DPY19L3: variants seen among roughly 807,000 people sequenced by gnomAD.
DPY19L3 encodes the protein protein C-mannosyl-transferase DPY19L3.
Under a neutral mutation model 92.3 loss-of-function variants are expected in DPY19L3, and 51 were observed. That is an observed-to-expected ratio of 0.55 (90% CI 0.44 to 0.70). DPY19L3 has a LOEUF of 0.70. Ranked by LOEUF, DPY19L3 falls within the 30% of genes least tolerant of loss-of-function variation. DPY19L3 has a pLI of 0.00. For missense variants in DPY19L3, 706 were observed against 855.9 expected, an observed-to-expected ratio of 0.82 and a Z score of 2.18; for synonymous variants, 309 against 315.2, an observed-to-expected ratio of 0.98 and a Z score of 0.21.
At chr19:32,451,261 G>T (rs1241546185) in intron 8 of DPY19L3, among the ~76,000 whole-genome samples, 1 of 152,178 alleles carries the variant, frequency 6.6e-6, no homozygotes, top group Non-Finnish European at 1.5e-5. Flanking sequence ...GGATGTGAAG[G>T]ATGTAAAATC....
intron 15 of DPY19L3, among the ~76,000 whole-genome samples, chr19:32,467,112 T>A (rs17692223): frequency 6.6e-6 from 1 of 152,148 alleles, no homozygotes; most frequent in Non-Finnish European, 1.5e-5. Context: ...GTCAAGACTT[T>A]AGTAAAATTA....
Position 32,447,683 on chromosome 19 carries a change from C to A in DPY19L3, c.856-5462C>A, listed in dbSNP as rs555456400. ...GTGAGCTGAGACTGCACCATTGCAC[C>A]CCAGCCTGGGCAATGAGAGCGAAAC... On this transcript the variant is annotated intron_variant, in intron 8 of 18. Transcript: ENST00000392250. Among the ~76,000 whole-genome samples, 5 of 151,740 alleles carry A rather than the reference C, an allele frequency of 3.3e-5. No homozygotes were observed. The South Asian group carries it at 8.3e-4, about 25-fold the overall frequency.
chr19:32,449,466 A>G (rs1008409829), intron 8 of DPY19L3, among the ~76,000 whole-genome samples: 1 of 152,156 alleles, frequency 6.6e-6, no homozygotes, highest in Non-Finnish European at 1.5e-5. Context: ...AATAGCTACA[A>G]CAATCTTGAA....
chr19:32,429,309 T>C (rs991665880), intron 3 of DPY19L3, among the ~76,000 whole-genome samples: 1 of 152,248 alleles, frequency 6.6e-6, no homozygotes, highest in African/African-American at 2.4e-5. Flanking sequence ...GGATAACTAC[T>C]ATTGGTGTAT....
intron 11 of DPY19L3, 56 bp from the exon 12 acceptor site, chr19:32,458,295 T>C: frequency 6.3e-7 from 1 of 1,589,498 alleles, no homozygotes; most frequent in East Asian, 2.2e-5. Flanking sequence ...AAAGATGCAA[T>C]GTCATTTCTT....
chr19:32,406,736 T>C (rs1024621280), intron 1 of DPY19L3, among the ~76,000 whole-genome samples: 1 of 152,178 alleles, frequency 6.6e-6, no homozygotes, highest in African/African-American at 2.4e-5. Flanking sequence ...ATGGAGGAAC[T>C]TTTTTTCTTA....
chr19:32,436,664 T>G, intron 5 of DPY19L3, 97 bp downstream of exon 5: 2 of 1,131,552 alleles, frequency 1.8e-6, no homozygotes, highest in Non-Finnish European at 2.4e-6. Flanking sequence ...GATCTTCAAC[T>G]GGTTTAGTAG....
chr19:32,444,565 G>GA (rs1292751907), intron 8 of DPY19L3, among the ~76,000 whole-genome samples: 1 of 152,074 alleles, frequency 6.6e-6, no homozygotes, highest in Non-Finnish European at 1.5e-5. Flanking sequence ...AATACTTTCG[G>GA]AAAAAATAGT....
At chr19:32,409,767 A>G (rs1968112788) in intron 2 of DPY19L3, among the ~76,000 whole-genome samples, 1 of 152,128 alleles carries the variant, frequency 6.6e-6, no homozygotes, top group Admixed American at 6.5e-5. Context: ...TTTTTTAACC[A>G]ACCAGCTCCC....
intron 15 of DPY19L3, among the ~76,000 whole-genome samples, chr19:32,465,514 C>T (rs539795476): frequency 2.0e-5 from 3 of 151,644 alleles, no homozygotes; most frequent in African/African-American, 7.2e-5. Flanking sequence ...TATTTTTTTT[C>T]CTTTAAATTT....
At chr19:32,467,241 C>CA (rs1365452862) in intron 15 of DPY19L3, among the ~76,000 whole-genome samples, 1 of 152,180 alleles carries the variant, frequency 6.6e-6, no homozygotes, top group Non-Finnish European at 1.5e-5. Context: ...GCAAAATTCT[C>CA]ACTAGCTTTT....
intron 1 of DPY19L3, among the ~76,000 whole-genome samples, chr19:32,407,874 G>C (rs1968031289): frequency 6.6e-6 from 1 of 152,086 alleles, no homozygotes; most frequent in Non-Finnish European, 1.5e-5. Flanking sequence ...GGGGAGGATC[G>C]CATGAGGCCA....
chr19:32,423,427 T>TTTTTTTTTG, intron 3 of DPY19L3, among the ~76,000 whole-genome samples: 1 of 137,696 alleles, frequency 7.3e-6, no homozygotes, highest in Non-Finnish European at 1.7e-5. Context: ...TTTTGGTATT[T>TTTTTTTTTG]TTAGTAGAGA....
Position 32,482,205 on chromosome 19 carries a change from AC to A in DPY19L3, c.2118del (p.Phe707SerfsTer32). The A allele has an allele frequency of 6.2e-7, 1 of 1,613,540 alleles. No individual in the cohort carries two copies. Among genetic ancestry groups the A allele is most frequent in the Non-Finnish European group, 8.5e-7 (1 of 1,179,800 alleles). ...AYFTRVFQNK[T>X]FHVYKLSRNK ...CTTCACCAGAGTGTTCCAGAACAAA[AC>A]CTTCCACGTTTACAAGCTGTCCAGA... On this transcript the variant is annotated frameshift_variant, in exon 19 of 19. Transcript: ENST00000392250. LOFTEE classifies it high-confidence loss of function.
intron 3 of DPY19L3, among the ~76,000 whole-genome samples, chr19:32,425,490 G>T (rs753920046): frequency 2.0e-5 from 3 of 152,030 alleles, no homozygotes; most frequent in Non-Finnish European, 2.9e-5. Flanking sequence ...GGCAGAGGTT[G>T]CAGTGAGCTG....
chr19:32,463,345 G>C, intron 12 of DPY19L3, 21 bp from the exon 13 acceptor site: 3 of 1,611,562 alleles, frequency 1.9e-6, no homozygotes, highest in Non-Finnish European at 2.5e-6. Context: ...CTTAAATTTT[G>C]TATGTTGCTG....
chr19:32,469,598 G>A (rs919489180), intron 16 of DPY19L3, among the ~76,000 whole-genome samples: 2 of 152,070 alleles, frequency 1.3e-5, no homozygotes, highest in African/African-American at 4.8e-5. Context: ...GCTCAGTGCG[G>A]ATTTCATGTT....
intron 3 of DPY19L3, among the ~76,000 whole-genome samples, chr19:32,422,312 G>A (rs1968598616): frequency 6.6e-6 from 1 of 152,200 alleles, no homozygotes; most frequent in Admixed American, 6.6e-5. Flanking sequence ...AAGAAGGTAT[G>A]TGCCTTCTTC....
chr19:32,439,029 T>A, intron 6 of DPY19L3, 83 bp from the exon 7 acceptor site: 1 of 1,464,826 alleles, frequency 6.8e-7, no homozygotes, highest in Non-Finnish European at 9.3e-7. Flanking sequence ...GTCCTTAATG[T>A]AATATATCTT....
Sources: allele counts gnomAD v4.1 joint callset (sites outside exome capture counted in the v4.1 genomes callset), GRCh38; gene constraint gnomAD v4.1.1; transcripts MANE v1.5; gene names NCBI Gene and HGNC (gene_info 2026-07-23, HGNC 2026-07-21).